WDR11: variants seen among roughly 807,000 people sequenced by gnomAD.
WDR11 encodes WD repeat-containing protein 11.
Under a neutral mutation model 151.2 loss-of-function variants are expected in WDR11, and 83 were observed. The ratio of observed to expected loss-of-function variants is 0.55; its 90% CI spans 0.46 to 0.66. The LOEUF (loss-of-function observed/expected upper bound fraction) is 0.66. WDR11 is among the 30% of genes least tolerant of loss of function. The pLI is 0.00. For synonymous variants in WDR11, 484 were observed against 533.1 expected, an observed-to-expected ratio of 0.91 and a Z score of 1.27; for missense variants, 1,301 against 1,480.9, an observed-to-expected ratio of 0.88 and a Z score of 1.99.
intron 26 of WDR11, 194 bp downstream of exon 26, chr10:120,905,610 T>C: frequency 1.3e-6 from 1 of 768,264 alleles, no homozygotes; most frequent in South Asian, 1.7e-5. Flanking sequence ...GGATCTTGCA[T>C]TGGTAGCAAT....
At position 120,886,771 on chromosome 10, in the gene WDR11, G is replaced by A. The variant is rs1847235258; in HGVS notation, c.2056G>A (p.Gly686Ser). Residue 686 changes from glycine (G) to serine (S), a missense_variant, in exon 16 of 29, where the codon GGC (glycine) becomes AGC (serine). Coordinates refer to ENST00000263461, the MANE Select transcript of WDR11 (RefSeq NM_018117.12). ...ACATTTTGTATTTACCGATATTGAT[G>A]GCCAAGTGTATCATCTCACTGTTGA... ...REHFVFTDIDGQVYHLTVEGN... is the reference protein window; with the variant it reads ...REHFVFTDIDSQVYHLTVEGN... 1.2e-6 allele frequency: 2 copies of A among 1,614,010 alleles called. No individual in the cohort carries two copies. The highest frequency in any genetic ancestry group is 8.5e-7 in the Non-Finnish European group (1 of 1,179,982).
intron 4 of WDR11, among the ~76,000 whole-genome samples, 186 bp downstream of exon 4, chr10:120,860,468 C>G (rs1846103529): frequency 6.6e-6 from 1 of 152,188 alleles, no homozygotes; most frequent in African/African-American, 2.4e-5. Context: ...AAGTTCATAT[C>G]ATTGCAAATA....
chr10:120,867,441 A>G lies in WDR11; in HGVS notation c.1294+272A>G, dbSNP rs4752468. Among the ~76,000 whole-genome samples, 43,847 of 152,162 alleles carry G rather than the reference A, an allele frequency of 0.29. 7,009 individuals carry two copies. The highest frequency in any genetic ancestry group is 0.42 in the East Asian group (2,160 of 5,180). ...GTAAATGAAAGCAATGACATTAGGC[A>G]TCTGGATTTTGGACCTAGAGCCGAT... On this transcript the variant is annotated intron_variant, in intron 9 of 28. Transcript: ENST00000263461.
At chr10:120,889,864 T>C (rs561367320) in intron 17 of WDR11, 31 bp from the exon 18 acceptor site, 2 of 1,439,540 alleles carry the variant, frequency 1.4e-6, no homozygotes, top group East Asian at 2.3e-5. Context: ...CACTCTACAT[T>C]GTATTGATGT....
intron 10 of WDR11, 106 bp downstream of exon 10, chr10:120,871,452 A>G: frequency 8.3e-7 from 1 of 1,208,714 alleles, no homozygotes. Context: ...CTTTAAAAGG[A>G]GATAGAGACT....
chr10:120,854,499 GT>G (rs1384136673), intron 2 of WDR11, among the ~76,000 whole-genome samples: 5 of 152,162 alleles, frequency 3.3e-5, no homozygotes. Context: ...GTGAACCTGT[GT>G]TTTCATTTCC....
intron 5 of WDR11, among the ~76,000 whole-genome samples, chr10:120,863,488 A>G (rs1338885807): frequency 2.6e-5 from 4 of 152,230 alleles, no homozygotes; most frequent in African/African-American, 7.2e-5. Flanking sequence ...TTAAAGATCA[A>G]TAGATCCAAT....
At chr10:120,851,701 C>T in intron 1 of WDR11, 195 bp downstream of exon 1, 1 of 650,296 alleles carries the variant, frequency 1.5e-6, no homozygotes, top group Admixed American at 2.6e-5. Flanking sequence ...TGGGAAATTC[C>T]CCCATGCAAA....
chr10:120,906,223 T>A lies in WDR11; in HGVS notation c.3437+202T>A, dbSNP rs1249614794. 2.1e-6 allele frequency: 3 copies of A among 1,454,822 alleles called. No homozygotes were observed. In the African/African-American group the frequency reaches 4.3e-5, roughly 21 times the overall value. 90.1% of individuals were successfully genotyped at this position (1,454,822 alleles called of 1,614,324 possible). A position where few individuals can be genotyped will look rare whatever the true frequency, so the allele number is the denominator to read the frequency against. ...ATTCGGTCTAGGAGCTATGCTAGTT[T>A]CCTACTAATATGCTGATCAGACTTA... On this transcript the variant is annotated intron_variant, in intron 27 of 28. Coordinates refer to ENST00000263461, the MANE Select transcript of WDR11 (RefSeq NM_018117.12).
chr10:120,890,795 A>C lies in WDR11; in HGVS notation c.2423A>C (p.Lys808Thr). Residue 808 changes from lysine (K) to threonine (T), a missense_variant, in exon 19 of 29, where the codon AAA (lysine) becomes ACA (threonine). Physicochemically the swap from Lys to Thr is moderately conservative, Grantham distance 78. Transcript: ENST00000263461. ...GATGTGGACTGGTGTACGTCAGATA[A>C]AGTGATCTTGGCCTCAGATGATGGG... is the stretch of plus-strand genomic sequence containing the variant. Reference protein sequence around the residue: ...ILDVDWCTSDKVILASDDGCI... With the variant: ...ILDVDWCTSDTVILASDDGCI... The C allele has an allele frequency of 6.2e-7, 1 of 1,614,176 alleles. No homozygotes were observed. Among genetic ancestry groups the C allele is most frequent in the Non-Finnish European group, 8.5e-7 (1 of 1,180,036 alleles).
chr10:120,865,867 T>C (rs1846294532), intron 7 of WDR11, 123 bp downstream of exon 7: 1 of 689,174 alleles, frequency 1.5e-6, no homozygotes, highest in Admixed American at 2.6e-5. Context: ...AAGTTTAAAA[T>C]ATGGTTATAA....
Position 120,900,095 on chromosome 10 carries a change from A to C in WDR11, c.2582A>C (p.His861Pro). 1 of 1,613,898 alleles carries C rather than the reference A, an allele frequency of 6.2e-7. No individual in the cohort carries two copies. Among genetic ancestry groups the C allele is most frequent in the Non-Finnish European group, 8.5e-7 (1 of 1,179,938 alleles). The stretch of plus-strand genomic sequence containing the variant: ...CTTGCCTTGAAAGCCTTCTTATTAC[A>C]CCAGCCTTGGAATGGACAGTATTCT... ...ASLALKAFLL[H>P]QPWNGQYSLD... is the part of the protein sequence containing the mutation. Residue 861 changes from histidine (H) to proline (P), a missense_variant, in exon 20 of 29, where the codon CAC (histidine) becomes CCC (proline). Physicochemically the swap from His to Pro is moderately conservative, Grantham distance 77. This residue lies in a region of WDR11 where 589 missense variants were observed against 670.6 expected (regional missense o/e 0.88). Transcript: ENST00000263461.
At chr10:120,872,908 C>G (rs924126935) in intron 10 of WDR11, among the ~76,000 whole-genome samples, 1 of 152,170 alleles carries the variant, frequency 6.6e-6, no homozygotes, top group Non-Finnish European at 1.5e-5. Flanking sequence ...AGCATTTTTA[C>G]TTCCACTCTG....
chr10:120,905,765 A>G, intron 26 of WDR11, 111 bp from the exon 27 acceptor site: 2 of 1,579,772 alleles, frequency 1.3e-6, no homozygotes, highest in South Asian at 1.1e-5. Flanking sequence ...GTGCTAGTCA[A>G]GCAGAGCATA....
chr10:120,880,656 C>CAA (rs11453234), intron 12 of WDR11, 170 bp from the exon 13 acceptor site: 9,981 of 529,184 alleles, frequency 0.019, no homozygotes, highest in East Asian at 0.027. Context: ...GAGACCATCT[C>CAA]AAAAAAAAAA....
intron 16 of WDR11, among the ~76,000 whole-genome samples, chr10:120,888,870 G>A (rs539548220): frequency 2.0e-5 from 3 of 151,718 alleles, no homozygotes; most frequent in Non-Finnish European, 2.9e-5. Flanking sequence ...ACTACTTAAT[G>A]TCTATGAAGT....
chr10:120,905,590 A>G (rs1848007572), intron 26 of WDR11, 174 bp downstream of exon 26: 1 of 792,786 alleles, frequency 1.3e-6, no homozygotes, highest in Non-Finnish European at 2.0e-6. Context: ...TGCATTACTT[A>G]TTTAAAAATG....
intron 13 of WDR11, among the ~76,000 whole-genome samples, chr10:120,883,401 T>G (rs1476105346): frequency 1.3e-5 from 2 of 152,180 alleles, no homozygotes; most frequent in African/African-American, 4.8e-5. Flanking sequence ...GATAGAAACT[T>G]TACATACTTT....
At chr10:120,875,969 CTTTTTTTTCTTTTTT>C (rs1242396200) in intron 11 of WDR11, among the ~76,000 whole-genome samples, 4 of 131,138 alleles carry the variant, frequency 3.1e-5, no homozygotes, top group Non-Finnish European at 6.6e-5. Flanking sequence ...AAGGGTTAAC[CTTTTTTTTCTTTTTT>C]TTTTTTTTTT....
Sources: gnomAD v4.1 joint callset for allele counts (sites outside exome capture counted in the v4.1 genomes callset) on GRCh38, gnomAD v4.1.1 for gene constraint, gnomAD v4.1.1 regional missense constraint, MANE v1.5 for transcripts, NCBI Gene and HGNC (gene_info 2026-07-23, HGNC 2026-07-21) for gene names.